The following RIPOR2 variants were observed in gnomAD, a reference collection of about 807,000 sequenced individuals.
RIPOR2 encodes the protein RHO family interacting cell polarization regulator 2.
Under a neutral mutation model 114.5 loss-of-function variants are expected in RIPOR2, and 39 were observed. That is an observed-to-expected ratio of 0.34 (90% CI 0.26 to 0.44). The LOEUF is 0.44. Among genes scored for constraint, RIPOR2 ranks in the 20% least tolerant of loss-of-function variants. RIPOR2 has a pLI of 1.00. For synonymous variants in RIPOR2, 445 were observed against 484.4 expected, an observed-to-expected ratio of 0.92 and a Z score of 1.07; for missense variants, 1,007 against 1,255.1, an observed-to-expected ratio of 0.80 and a Z score of 2.99.
At chr6:24,906,631 T>C (rs1288609270) in intron 1 of RIPOR2, among the ~76,000 whole-genome samples, 1 of 152,128 alleles carries the variant, frequency 6.6e-6, no homozygotes, top group Non-Finnish European at 1.5e-5. Context: ...GAAGGTATAA[T>C]CAATATCTTA....
Position 24,941,102 on chromosome 6 carries a change from G to A in RIPOR2, c.77-65285C>T, listed in dbSNP as rs370283168. Among the ~76,000 whole-genome samples, 10 of 152,212 alleles carry A rather than the reference G, an allele frequency of 6.6e-5. No individual in the cohort carries two copies. In the East Asian group the frequency reaches 1.2e-3, roughly 18 times the overall value. On this transcript the variant is annotated intron_variant, in intron 1 of 13. Transcript: ENST00000510784. The stretch of plus-strand genomic sequence containing the variant: ...CTGCCTGCCTCCCCCAGTTTCAGGC[G>A]CATCATTAGGCTGCAGGAGCCACAC...
rs1196330245 is a variant in RIPOR2, at chr6:24,883,910, T to C, written c.62-8093A>G. ...CCCCCACATCGTGGTCAAAAGCAGA[T>C]GTATAATTGACTTGTCTGAAAGAGG... On this transcript the variant is annotated intron_variant, in intron 1 of 21. Transcript: ENST00000643898. The surrounding 1 kb of genome is among the most constrained non-coding windows in gnomAD (Gnocchi z 4.1). Among the ~76,000 whole-genome samples, 3 of 152,174 alleles carry C rather than the reference T, an allele frequency of 2.0e-5. No individual in the cohort carries two copies. The highest frequency in any genetic ancestry group is 1.9e-4 in the East Asian group (1 of 5,194).
At chr6:25,001,875 T>G (rs901184612) in intron 1 of RIPOR2, among the ~76,000 whole-genome samples, 1 of 151,302 alleles carries the variant, frequency 6.6e-6, no homozygotes, top group Non-Finnish European at 1.5e-5. Flanking sequence ...ATTTTTTTCT[T>G]TTTTTTGTAT....
chr6:24,927,264 C>CACT (rs1770990779), intron 1 of RIPOR2, among the ~76,000 whole-genome samples: 1 of 14,572 alleles, frequency 6.9e-5, no homozygotes, highest in Non-Finnish European at 1.5e-4. Context: ...CCACCACCAC[C>CACT]ACAGCTACAA....
At chr6:25,000,405 C>T (rs1001074178) in intron 1 of RIPOR2, among the ~76,000 whole-genome samples, 1 of 152,138 alleles carries the variant, frequency 6.6e-6, no homozygotes, top group Non-Finnish European at 1.5e-5. Context: ...ATCCTGTGCA[C>T]TGTTGTATCT....
intron 1 of RIPOR2, among the ~76,000 whole-genome samples, chr6:24,908,470 CAG>C (rs1461360176): frequency 6.6e-6 from 1 of 152,178 alleles, no homozygotes; most frequent in Non-Finnish European, 1.5e-5. Context: ...AGTCTCTTGA[CAG>C]AGGGGTGAAC....
rs541155857 is a variant in RIPOR2 at position 24,894,507 on chromosome 6, C to T, written c.62-18690G>A. 8.5e-4 allele frequency among the ~76,000 whole-genome samples: 129 copies of T among 152,282 alleles called. 1 individual carries two copies. The highest frequency in any genetic ancestry group is 1.6e-3 in the Non-Finnish European group (108 of 68,020). On this transcript the variant is annotated intron_variant, in intron 1 of 21. Transcript: ENST00000643898. ...AGAATTCCCTTACTATTAACAATTT[C>T]CTTTTCCGTTTCTTAATTTTCTGTC...
At chr6:24,953,850 A>G (rs1561804819) in intron 1 of RIPOR2, among the ~76,000 whole-genome samples, 1 of 152,172 alleles carries the variant, frequency 6.6e-6, no homozygotes, top group Admixed American at 6.5e-5. Context: ...AAAAATACAC[A>G]AGCTTCTCTG....
intron 7 of RIPOR2, among the ~76,000 whole-genome samples, chr6:24,862,813 C>T (rs902476845): frequency 6.7e-6 from 1 of 149,194 alleles, no homozygotes. Flanking sequence ...CACCCCCCCA[C>T]CACCCACAGC....
rs747422738 is a variant in RIPOR2, at chr6:25,001,624, C to CAA, written c.76+40225_76+40226dup. 4.0e-3 allele frequency among the ~76,000 whole-genome samples: 227 copies of CAA among 56,256 alleles called. 3 individuals carry two copies. Among genetic ancestry groups the CAA allele is most frequent in the East Asian group, 0.021 (33 of 1,606 alleles). 36.9% of individuals were successfully genotyped at this position (56,256 alleles called of 152,430 possible). On this transcript the variant is annotated intron_variant, in intron 1 of 13. Transcript: ENST00000510784. ...TGGGCGACAGAGCGAGACTTCATCTCAAAAAAAAAAAAAAAAAAAAAATCA... is the reference window on the plus strand; with the variant it reads ...TGGGCGACAGAGCGAGACTTCATCTCAAAAAAAAAAAAAAAAAAAAAAAATCA...
At chr6:24,895,295 C>T (rs559256976) in intron 1 of RIPOR2, among the ~76,000 whole-genome samples, 1 of 152,260 alleles carries the variant, frequency 6.6e-6, no homozygotes, top group South Asian at 2.1e-4. Flanking sequence ...ATGATCCGCC[C>T]GCCTTGGCCT....
At chr6:25,002,655 T>C (rs766741819) in intron 1 of RIPOR2, among the ~76,000 whole-genome samples, 1 of 152,246 alleles carries the variant, frequency 6.6e-6, no homozygotes, top group Non-Finnish European at 1.5e-5. Context: ...ATATACAACA[T>C]GTTATTTCTT....
intron 1 of RIPOR2, among the ~76,000 whole-genome samples, chr6:24,893,928 T>C (rs906153731): frequency 6.6e-6 from 1 of 152,200 alleles, no homozygotes; most frequent in Admixed American, 6.5e-5. Context: ...CTGGAAGCAT[T>C]GAACTGGATC....
rs1763665278 is a variant in RIPOR2, at chr6:24,858,105, C to T, written c.715+2868G>A. Among the ~76,000 whole-genome samples the T allele has an allele frequency of 6.6e-6, 1 of 152,180 alleles. No homozygotes were observed. The highest frequency in any genetic ancestry group is 1.9e-4 in the East Asian group (1 of 5,200). On this transcript the variant is annotated intron_variant, in intron 8 of 21. Coordinates refer to ENST00000643898, the MANE Select transcript of RIPOR2 (RefSeq NM_001286445.3). The surrounding 1 kb of genome is among the most constrained non-coding windows in gnomAD (Gnocchi z 4.0). ...TGAGTGGCAACCTTTTCCTCCTCTC[C>T]CCTCCTGCTTTTGCAGCAAACTGGG...
intron 1 of RIPOR2, among the ~76,000 whole-genome samples, chr6:24,888,589 T>C (rs1292903824): frequency 6.6e-6 from 1 of 152,226 alleles, no homozygotes; most frequent in Non-Finnish European, 1.5e-5. Flanking sequence ...ACCATGTGCT[T>C]GTTTCCTTTG....
At chr6:25,040,008 C>A (rs1400032960) in intron 1 of RIPOR2, among the ~76,000 whole-genome samples, 5 of 152,152 alleles carry the variant, frequency 3.3e-5, no homozygotes, top group African/African-American at 1.2e-4. Flanking sequence ...TCCTAAGCCA[C>A]TCATTCATCT....
At chr6:24,838,115 C>T (rs1460693123) in intron 14 of RIPOR2, among the ~76,000 whole-genome samples, 5 of 152,130 alleles carry the variant, frequency 3.3e-5, no homozygotes, top group East Asian at 1.9e-4. Context: ...ATGAGGACAC[C>T]GGACGGTGAA....
At chr6:24,900,849 T>C (rs549476749) in intron 1 of RIPOR2, among the ~76,000 whole-genome samples, 10 of 152,312 alleles carry the variant, frequency 6.6e-5, no homozygotes, top group African/African-American at 2.2e-4. Flanking sequence ...TGTCTTGCTT[T>C]TTGTTGTGGT....
intron 1 of RIPOR2, among the ~76,000 whole-genome samples, chr6:24,970,443 C>G (rs1439430670): frequency 6.6e-6 from 1 of 152,150 alleles, no homozygotes; most frequent in Admixed American, 6.5e-5. Flanking sequence ...AGAGCAAGAA[C>G]AGGGGAGGGT....
Sources: allele counts gnomAD v4.1 joint callset (sites outside exome capture counted in the v4.1 genomes callset), GRCh38; gene constraint gnomAD v4.1.1; non-coding constraint Gnocchi (gnomAD v3.1); transcripts MANE v1.5; gene names NCBI Gene and HGNC (gene_info 2026-07-23, HGNC 2026-07-21).